The following ATP2B4 variants were observed in gnomAD, a reference collection of about 807,000 sequenced individuals.
The protein encoded by ATP2B4 is ATPase plasma membrane Ca2+ transporting 4.
In ATP2B4, 39 loss-of-function variants were observed where a neutral mutation model predicts 110.3. The observed-to-expected ratio is 0.35, with a 90% CI of 0.27 to 0.46. ATP2B4 has a LOEUF of 0.46. Among genes scored for constraint, ATP2B4 ranks in the 20% least tolerant of loss-of-function variants. The probability of loss-of-function intolerance (pLI) is 1.00; values close to 1 mark genes in which losing one functional copy is unlikely to be tolerated. For missense variants in ATP2B4, 1,135 were observed against 1,530.9 expected, an observed-to-expected ratio of 0.74 and a Z score of 4.32; for synonymous variants, 538 against 571.7, an observed-to-expected ratio of 0.94 and a Z score of 0.84.
At chr1:203,699,386 G>T (rs1665624570) in intron 3 of ATP2B4, 74 bp from the exon 4 acceptor site, 1 of 1,570,762 alleles carries the variant, frequency 6.4e-7, no homozygotes, top group Non-Finnish European at 8.7e-7. Flanking sequence ...TGGGGTGATT[G>T]TGGAAGCACT....
intron 20 of ATP2B4, among the ~76,000 whole-genome samples, chr1:203,735,151 TC>T (rs1558058682): frequency 6.6e-6 from 1 of 152,184 alleles, no homozygotes; most frequent in Non-Finnish European, 1.5e-5. Context: ...TTATTTTGCT[TC>T]TCCTTTTCTC....
chr1:203,672,804 C>T (rs971275370), intron 1 of ATP2B4, among the ~76,000 whole-genome samples: 1 of 152,158 alleles, frequency 6.6e-6, no homozygotes, highest in African/African-American at 2.4e-5. Context: ...AGGGGATTTG[C>T]TCCACTGGAA....
intron 20 of ATP2B4, 131 bp from the exon 21 acceptor site, chr1:203,739,415 G>T: frequency 1.1e-6 from 1 of 871,612 alleles, no homozygotes; most frequent in South Asian, 1.8e-5. Flanking sequence ...ATGTGTGTTT[G>T]GTTTTGATGC....
At chr1:203,647,243 A>G (rs1663827990) in intron 1 of ATP2B4, among the ~76,000 whole-genome samples, 1 of 151,996 alleles carries the variant, frequency 6.6e-6, no homozygotes, top group Non-Finnish European at 1.5e-5. Context: ...AGTCTGGGCA[A>G]CTTAGTGAGA....
At chr1:203,698,011 T>G in intron 2 of ATP2B4, 146 bp from the exon 3 acceptor site, 1 of 699,052 alleles carries the variant, frequency 1.4e-6, no homozygotes, top group Non-Finnish European at 2.4e-6. Context: ...GGCCTCTTTA[T>G]TTTATTTATT....
At chr1:203,696,083 C>A (rs185149250) in intron 2 of ATP2B4, among the ~76,000 whole-genome samples, 2 of 152,112 alleles carry the variant, frequency 1.3e-5, no homozygotes, top group Non-Finnish European at 2.9e-5. Context: ...CGCCACCACA[C>A]CCAGCTAATT....
chr1:203,641,930 A>G (rs950722717), intron 1 of ATP2B4, among the ~76,000 whole-genome samples: 15 of 152,178 alleles, frequency 9.9e-5, no homozygotes, highest in Admixed American at 9.8e-4. Context: ...AAAGTTATTT[A>G]GTGGATTTTG....
intron 1 of ATP2B4, among the ~76,000 whole-genome samples, chr1:203,681,486 C>T (rs752550532): frequency 3.4e-4 from 52 of 152,270 alleles, no homozygotes; most frequent in Non-Finnish European, 2.1e-4. Context: ...GTGGGGACTA[C>T]GTAACCGGGG....
At chr1:203,731,700 A>T (rs527446326) in intron 20 of ATP2B4, among the ~76,000 whole-genome samples, 1 of 152,078 alleles carries the variant, frequency 6.6e-6, no homozygotes, top group South Asian at 2.1e-4. Flanking sequence ...AAATAAAAAA[A>T]TTAGCTGGGC....
rs1037656172 is a variant in ATP2B4 at position 203,726,943 on chromosome 1, C to T, written c.3133-452C>T. ...GAAAGGGGTCATTCATTTCCAATAC[C>T]CTTCTCAACCCCTTGCCTATACATA... On this transcript the variant is annotated intron_variant, in intron 19 of 20. Coordinates refer to ENST00000357681, the MANE Select transcript of ATP2B4 (RefSeq NM_001684.5). Among the ~76,000 whole-genome samples the T allele has an allele frequency of 1.3e-5, 2 of 152,278 alleles. 1 individual carries two copies. The highest frequency in any genetic ancestry group is 4.1e-4 in the South Asian group (2 of 4,830).
chr1:203,644,268 A>T (rs1663723572), intron 1 of ATP2B4, among the ~76,000 whole-genome samples: 1 of 151,818 alleles, frequency 6.6e-6, no homozygotes, highest in African/African-American at 2.4e-5. Flanking sequence ...AAAAAAAAAA[A>T]AAAGAATGCT....
intron 14 of ATP2B4, 70 bp downstream of exon 14, chr1:203,713,322 A>C (rs1014489379): frequency 1.3e-6 from 2 of 1,572,874 alleles, no homozygotes; most frequent in Non-Finnish European, 8.7e-7. Flanking sequence ...GATAAGAACC[A>C]CCAGCCAAAG....
Position 203,708,060 on chromosome 1 carries a change from G to A in ATP2B4, c.1513G>A (p.Val505Ile), listed in dbSNP as rs2102396795. 6.2e-7 allele frequency: 1 copy of A among 1,614,174 alleles called. No individual in the cohort carries two copies. Among genetic ancestry groups the A allele is most frequent in the South Asian group, 1.1e-5 (1 of 91,080 alleles). ...CCTGCCCAAAGTCCTGGACCTCATT[G>A]TCAATGGCATTTCTATCAACAGTGC... The part of the protein sequence containing the change: ...VFLPKVLDLI[V>I]NGISINSAYT... Residue 505 changes from valine (V) to isoleucine (I), a missense_variant, in exon 10 of 21, where the codon GTC becomes ATC. Coordinates refer to ENST00000357681, the MANE Select transcript of ATP2B4 (RefSeq NM_001684.5).
intron 8 of ATP2B4, among the ~76,000 whole-genome samples, chr1:203,705,973 C>T (rs1039553424): frequency 6.6e-6 from 1 of 152,158 alleles, no homozygotes; most frequent in Non-Finnish European, 1.5e-5. Flanking sequence ...TGCTTGGAGG[C>T]CCCCGAATCA....
intron 1 of ATP2B4, among the ~76,000 whole-genome samples, chr1:203,650,808 C>G (rs1426406837): frequency 6.6e-6 from 1 of 152,244 alleles, no homozygotes; most frequent in Non-Finnish European, 1.5e-5. Context: ...CACTTCTGCC[C>G]CTCACTGTAC....
At chr1:203,733,872 G>A (rs1239757586) in intron 20 of ATP2B4, among the ~76,000 whole-genome samples, 1 of 152,178 alleles carries the variant, frequency 6.6e-6, no homozygotes, top group Non-Finnish European at 1.5e-5. Flanking sequence ...GATCTTTTGA[G>A]GAAAGGTAGG....
At chr1:203,717,168 A>C (rs1349936170) in intron 15 of ATP2B4, among the ~76,000 whole-genome samples, 2 of 152,168 alleles carry the variant, frequency 1.3e-5, no homozygotes, top group East Asian at 1.9e-4. Context: ...TCTGCATTCC[A>C]GCCTGGGTGA....
At position 203,699,467 on chromosome 1, in the gene ATP2B4, T is replaced by G. The variant is rs1571736563; in HGVS notation, c.399T>G (p.Gly133=). The G allele has an allele frequency of 6.2e-7, 1 of 1,614,158 alleles. No individual in the cohort carries two copies. The highest frequency in any genetic ancestry group is 8.5e-7 in the Non-Finnish European group (1 of 1,180,024). Residue 133 remains glycine (G), a synonymous_variant, in exon 4 of 21, where the codon GGT becomes GGG. Transcript: ENST00000357681. ...RPAGEENELC[G]QVATTPEDEN... ...TCTCCCTTCCTGGGATAGTGTGTGG[T>G]CAAGTCGCAACTACCCCAGAAGATG...
chr1:203,710,750 A>C (rs150317222), intron 11 of ATP2B4, 127 bp from the exon 12 acceptor site: 1 of 756,652 alleles, frequency 1.3e-6, no homozygotes, highest in African/African-American at 1.7e-5. Context: ...GAATGAAGGA[A>C]ATGTTTGGCC....
Sources: gnomAD v4.1 joint callset for allele counts (sites outside exome capture counted in the v4.1 genomes callset) on GRCh38, gnomAD v4.1.1 for gene constraint, MANE v1.5 for transcripts, NCBI Gene and HGNC (gene_info 2026-07-23, HGNC 2026-07-21) for gene names.